The following SLC24A4 variants were observed in gnomAD, a reference collection of about 807,000 sequenced individuals.
SLC24A4 encodes sodium/potassium/calcium exchanger 4.
In SLC24A4, 53 loss-of-function variants were observed where a neutral mutation model predicts 79.0. The observed-to-expected ratio is 0.67, with a 90% CI of 0.54 to 0.84. The LOEUF is 0.84. SLC24A4 is among the 40% of genes least tolerant of loss of function. The pLI, the probability that SLC24A4 is intolerant of heterozygous loss-of-function variation, is 0.00. For synonymous variants in SLC24A4, 323 were observed against 323.8 expected, an observed-to-expected ratio of 1.00 and a Z score of 0.03; for missense variants, 731 against 822.0, an observed-to-expected ratio of 0.89 and a Z score of 1.35.
intron 2 of SLC24A4, among the ~76,000 whole-genome samples, chr14:92,345,872 T>C (rs986455419): frequency 1.3e-5 from 2 of 152,188 alleles, no homozygotes; most frequent in African/African-American, 4.8e-5. Flanking sequence ...TACGGTTTAG[T>C]GGAGCAGACA....
intron 2 of SLC24A4, among the ~76,000 whole-genome samples, chr14:92,343,584 CTT>C (rs1491285524): frequency 5.9e-5 from 4 of 67,552 alleles, no homozygotes; most frequent in African/African-American, 1.8e-4. Context: ...TTACTGTTTT[CTT>C]TCTTTCTTTC....
At chr14:92,330,901 A>T (rs11160057) in intron 2 of SLC24A4, among the ~76,000 whole-genome samples, 10,037 of 152,232 alleles carry the variant, frequency 0.066, 404 homozygotes, top group Middle Eastern at 0.13. Flanking sequence ...TTTGCAGGGG[A>T]CTCAAACATT....
intron 13 of SLC24A4, among the ~76,000 whole-genome samples, chr14:92,486,328 T>C (rs1176221352): frequency 6.6e-6 from 1 of 152,120 alleles, no homozygotes; most frequent in Non-Finnish European, 1.5e-5. Context: ...TGGACTTGAA[T>C]CTGCTTCCTG....
intron 2 of SLC24A4, among the ~76,000 whole-genome samples, chr14:92,381,675 A>G (rs549456494): frequency 1.2e-4 from 19 of 152,300 alleles, no homozygotes; most frequent in African/African-American, 1.9e-4. Context: ...AAGTTCTTCA[A>G]TTATTGAGTG....
intron 2 of SLC24A4, among the ~76,000 whole-genome samples, chr14:92,411,550 G>A (rs771384717): frequency 2.6e-5 from 4 of 152,016 alleles, no homozygotes; most frequent in Admixed American, 6.6e-5. Flanking sequence ...GCTGTCTCTC[G>A]GCCAGAGCTG....
intron 2 of SLC24A4, among the ~76,000 whole-genome samples, chr14:92,379,019 A>AC (rs1888672167): frequency 1.3e-5 from 2 of 152,172 alleles, no homozygotes; most frequent in Non-Finnish European, 2.9e-5. Flanking sequence ...CTGTGGTAGG[A>AC]CCACTGCACT....
intron 12 of SLC24A4, among the ~76,000 whole-genome samples, chr14:92,460,577 C>G (rs1156681836): frequency 6.6e-6 from 1 of 152,154 alleles, no homozygotes; most frequent in African/African-American, 2.4e-5. Context: ...GGGCTTCAGG[C>G]ACTTAGCAGA....
At chr14:92,418,510 G>T (rs1164656270) in intron 2 of SLC24A4, among the ~76,000 whole-genome samples, 3 of 152,246 alleles carry the variant, frequency 2.0e-5, no homozygotes, top group Non-Finnish European at 2.9e-5. Context: ...TGTTGTGTGT[G>T]TTCATAAAGA....
chr14:92,465,846 A>C (rs536218554), intron 12 of SLC24A4, among the ~76,000 whole-genome samples: 1 of 151,774 alleles, frequency 6.6e-6, no homozygotes, highest in Admixed American at 6.6e-5. Flanking sequence ...AGCCCAGACA[A>C]CCTACACCTG....
At chr14:92,394,626 T>C (rs1234388204) in intron 2 of SLC24A4, among the ~76,000 whole-genome samples, 1 of 152,150 alleles carries the variant, frequency 6.6e-6, no homozygotes, top group Non-Finnish European at 1.5e-5. Flanking sequence ...ATTTCTGAAA[T>C]TGTCATATTA....
intron 14 of SLC24A4, among the ~76,000 whole-genome samples, chr14:92,487,149 A>G (rs538125359): frequency 2.0e-5 from 3 of 152,346 alleles, no homozygotes; most frequent in South Asian, 2.1e-4. Context: ...CTGGCATCCT[A>G]TACATCCAAC....
chr14:92,424,534 G>A (rs1488419358), intron 2 of SLC24A4, among the ~76,000 whole-genome samples: 1 of 151,980 alleles, frequency 6.6e-6, no homozygotes, highest in Admixed American at 6.6e-5. Context: ...GAGAGAGGAA[G>A]CAAAAGAGCG....
At chr14:92,381,289 G>A (rs1888831789) in intron 2 of SLC24A4, among the ~76,000 whole-genome samples, 1 of 152,166 alleles carries the variant, frequency 6.6e-6, no homozygotes, top group African/African-American at 2.4e-5. Flanking sequence ...CAGGGACATG[G>A]ATGAAGCTGG....
intron 2 of SLC24A4, 144 bp downstream of exon 2, chr14:92,326,122 G>A: frequency 1.7e-6 from 1 of 578,618 alleles, no homozygotes; most frequent in Non-Finnish European, 3.1e-6. Flanking sequence ...GGTATTGAAA[G>A]GTAACATAAA....
chr14:92,416,824 A>G (rs1891007741), intron 2 of SLC24A4, among the ~76,000 whole-genome samples: 3 of 152,250 alleles, frequency 2.0e-5, no homozygotes, highest in African/African-American at 7.2e-5. Context: ...GGATAAGAAT[A>G]AGCACCAAGC....
At chr14:92,325,686 G>C (rs77385755) in intron 1 of SLC24A4, among the ~76,000 whole-genome samples, 182 bp from the exon 2 acceptor site, 9,828 of 152,224 alleles carry the variant, frequency 0.065, 396 homozygotes, top group Middle Eastern at 0.13. Flanking sequence ...CTAGATCCAG[G>C]AAACAGGCCA....
At chr14:92,483,093 A>G (rs1228922283) in intron 13 of SLC24A4, among the ~76,000 whole-genome samples, 1 of 152,180 alleles carries the variant, frequency 6.6e-6, no homozygotes, top group Non-Finnish European at 1.5e-5. Context: ...ACCTTTGCAC[A>G]GGCAGCCTAA....
chr14:92,448,892 C>T (rs930204817), intron 9 of SLC24A4, among the ~76,000 whole-genome samples, 182 bp from the exon 10 acceptor site: 2 of 152,182 alleles, frequency 1.3e-5, no homozygotes, highest in African/African-American at 2.4e-5. Flanking sequence ...CAACACAATG[C>T]TCCCAGGTCC....
intron 2 of SLC24A4, among the ~76,000 whole-genome samples, chr14:92,350,748 C>A (rs1886815382): frequency 6.6e-6 from 1 of 152,222 alleles, no homozygotes; most frequent in Admixed American, 6.5e-5. Context: ...AGCTGCAGGA[C>A]TTTGGAGCTT....
Sources: allele counts gnomAD v4.1 joint callset (sites outside exome capture counted in the v4.1 genomes callset), GRCh38; gene constraint gnomAD v4.1.1; transcripts MANE v1.5; gene names NCBI Gene and HGNC (gene_info 2026-07-23, HGNC 2026-07-21).